Variants in CADPS observed in about 807,000 individuals in gnomAD.
CADPS encodes the protein calcium dependent secretion activator, also known as calcium-dependent secretion activator 1.
In CADPS, 57 loss-of-function variants were observed where a neutral mutation model predicts 167.3. The ratio of observed to expected loss-of-function variants is 0.34; its 90% CI spans 0.28 to 0.42. CADPS has a LOEUF of 0.42. Among genes scored for constraint, CADPS ranks in the 20% least tolerant of loss-of-function variants. The pLI, the probability that CADPS is intolerant of heterozygous loss-of-function variation, is 1.00. For missense variants in CADPS, 1,414 were observed against 1,738.1 expected, an observed-to-expected ratio of 0.81 and a Z score of 3.32; for synonymous variants, 676 against 635.3, an observed-to-expected ratio of 1.06 and a Z score of -0.96.
intron 3 of CADPS, among the ~76,000 whole-genome samples, chr3:62,712,881 T>C (rs141681110): frequency 1.2e-4 from 18 of 152,276 alleles, no homozygotes; most frequent in Non-Finnish European, 2.4e-4. Context: ...TACCACCTTT[T>C]GTGAGAGGAG....
intron 3 of CADPS, among the ~76,000 whole-genome samples, chr3:62,693,341 G>GCTA (rs1480645766): frequency 6.6e-6 from 1 of 152,064 alleles, no homozygotes; most frequent in Non-Finnish European, 1.5e-5. Context: ...TGGATTGTAA[G>GCTA]CTACACATGA....
At chr3:62,733,740 A>G (rs1418760941) in intron 3 of CADPS, among the ~76,000 whole-genome samples, 1 of 152,028 alleles carries the variant, frequency 6.6e-6, no homozygotes, top group East Asian at 1.9e-4. Context: ...GTTTTTGGTT[A>G]CGTGGATAAG....
intron 27 of CADPS, among the ~76,000 whole-genome samples, chr3:62,444,757 G>C (rs2056932875): frequency 1.3e-5 from 2 of 152,084 alleles, no homozygotes; most frequent in African/African-American, 4.8e-5. Flanking sequence ...AAATAAGCCA[G>C]TAAACCATTA....
intron 27 of CADPS, among the ~76,000 whole-genome samples, 183 bp downstream of exon 27, chr3:62,445,581 GA>G (rs995370404): frequency 2.7e-5 from 4 of 149,842 alleles, no homozygotes; most frequent in South Asian, 2.1e-4. Flanking sequence ...CTTCTTATCT[GA>G]AAAAAAAATT....
In CADPS at chr3:62,791,749, T is replaced by C. The variant is rs200010201; in HGVS notation, c.442-25765A>G. Among the ~76,000 whole-genome samples, 30 of 152,358 alleles carry C rather than the reference T, an allele frequency of 2.0e-4. No homozygotes were observed. In the East Asian group the frequency reaches 2.3e-3, roughly 12 times the overall value. On this transcript the variant is annotated intron_variant, in intron 1 of 29. Coordinates refer to ENST00000383710, the MANE Select transcript of CADPS (RefSeq NM_003716.4). The stretch of plus-strand genomic sequence containing the variant: ...GCACTATGCAGTACAGCATGGCAGA[T>C]AATTACCTTTCAAACTGTTCTGGCA...
At chr3:62,624,267 G>A (rs922749208) in intron 6 of CADPS, among the ~76,000 whole-genome samples, 2 of 152,084 alleles carry the variant, frequency 1.3e-5, no homozygotes, top group African/African-American at 4.8e-5. Context: ...GTATCTGACT[G>A]CTTTGGTAGA....
At chr3:62,472,942 C>G (rs558236943) in intron 24 of CADPS, among the ~76,000 whole-genome samples, 7 of 152,342 alleles carry the variant, frequency 4.6e-5, no homozygotes, top group African/African-American at 1.4e-4. Context: ...CAGCCAGCAG[C>G]ATTAGCATCG....
intron 28 of CADPS, among the ~76,000 whole-genome samples, chr3:62,418,324 CTTTTTTT>C (rs1227861106): frequency 1.7e-5 from 2 of 115,084 alleles, no homozygotes; most frequent in African/African-American, 7.2e-5. Flanking sequence ...TTTTTTCTCT[CTTTTTTT>C]TTTTTTTTTT....
At chr3:62,530,265 A>G (rs555658483) in intron 13 of CADPS, among the ~76,000 whole-genome samples, 12 of 152,308 alleles carry the variant, frequency 7.9e-5, no homozygotes, top group African/African-American at 2.9e-4. Flanking sequence ...TCTTATGCCA[A>G]TCTATTTTAT....
Position 62,750,693 on chromosome 3 carries a change from A to G in CADPS, c.888+2748T>C, listed in dbSNP as rs141465094. On this transcript the variant is annotated intron_variant, in intron 3 of 29. Coordinates refer to ENST00000383710, the MANE Select transcript of CADPS (RefSeq NM_003716.4). Reference sequence around the variant, plus strand: ...TTAACATTTTGTTCTTTGCCTGTCCAGTACCTTTTTCCATCCTTTGTTCCC... The same window carrying G: ...TTAACATTTTGTTCTTTGCCTGTCCGGTACCTTTTTCCATCCTTTGTTCCC... Among the ~76,000 whole-genome samples, 458 of 152,312 alleles carry G rather than the reference A, an allele frequency of 3.0e-3. 2 individuals carry two copies. Among genetic ancestry groups the G allele is most frequent in the African/African-American group, 0.01 (420 of 41,572 alleles).
intron 3 of CADPS, among the ~76,000 whole-genome samples, chr3:62,743,285 C>T (rs1290434955): frequency 3.9e-5 from 6 of 152,100 alleles, no homozygotes; most frequent in Non-Finnish European, 7.4e-5. Context: ...GAGTCAAATA[C>T]GCCAGCTGCC....
intron 3 of CADPS, among the ~76,000 whole-genome samples, chr3:62,748,344 C>CAAAAAAAAAAAAAAAAAAAAAAAAA (rs60942307): frequency 8.2e-5 from 4 of 48,508 alleles, no homozygotes; most frequent in African/African-American, 1.7e-4. Context: ...GACTCCGTCT[C>CAAAAAAAAAAAAAAAAAAAAAAAAA]AAAAAAAAAA....
chr3:62,564,477 T>C (rs1166532897), intron 9 of CADPS, among the ~76,000 whole-genome samples: 2 of 152,170 alleles, frequency 1.3e-5, no homozygotes, highest in Non-Finnish European at 2.9e-5. Context: ...AGAAACCATA[T>C]AAATATAAGT....
intron 7 of CADPS, among the ~76,000 whole-genome samples, chr3:62,588,658 G>A (rs1159089513): frequency 6.6e-6 from 1 of 152,094 alleles, no homozygotes; most frequent in Non-Finnish European, 1.5e-5. Flanking sequence ...TAAATTCAAG[G>A]CTATTCACTG....
At chr3:62,525,872 T>C (rs990229180) in intron 13 of CADPS, among the ~76,000 whole-genome samples, 4 of 152,038 alleles carry the variant, frequency 2.6e-5, no homozygotes, top group African/African-American at 9.7e-5. Context: ...CACCCAACAT[T>C]GGAGGCAAGG....
At chr3:62,713,620 T>A (rs2083835741) in intron 3 of CADPS, among the ~76,000 whole-genome samples, 1 of 152,254 alleles carries the variant, frequency 6.6e-6, no homozygotes, top group Non-Finnish European at 1.5e-5. Flanking sequence ...CTGCTGCTGC[T>A]GTACCCTGCC....
chr3:62,784,094 A>G (rs972162925), intron 1 of CADPS, among the ~76,000 whole-genome samples: 4 of 152,212 alleles, frequency 2.6e-5, no homozygotes, highest in Admixed American at 2.0e-4. Context: ...CTTACCGGAA[A>G]TTAAGGAAGC....
chr3:62,449,535 TG>T lies in CADPS; in HGVS notation c.3637-3739del, dbSNP rs1250595671. Among the ~76,000 whole-genome samples the T allele has an allele frequency of 2.6e-5, 4 of 152,296 alleles. No individual in the cohort carries two copies. In the South Asian group the frequency reaches 8.3e-4, roughly 32 times the overall value. ...CCATATCCATAGGAATATGTCTTTT[TG>T]CCAGCTATACTCTAGGTAGAAGGGA... On this transcript the variant is annotated intron_variant, in intron 26 of 29. Transcript: ENST00000383710.
At chr3:62,450,843 A>C (rs529657238) in intron 26 of CADPS, among the ~76,000 whole-genome samples, 132 of 152,204 alleles carry the variant, frequency 8.7e-4, no homozygotes, top group African/African-American at 3.1e-3. Context: ...TTTGAGGGGG[A>C]TCCTATTAAT....
Sources: allele counts gnomAD v4.1 joint callset (sites outside exome capture counted in the v4.1 genomes callset), GRCh38; gene constraint gnomAD v4.1.1; transcripts MANE v1.5; gene names NCBI Gene and HGNC (gene_info 2026-07-23, HGNC 2026-07-21).